Variants in LCORL observed in about 807,000 individuals in gnomAD.
The protein encoded by LCORL is ligand dependent nuclear receptor corepressor like, also known as ligand-dependent nuclear receptor corepressor-like protein.
Under a neutral mutation model 141.8 loss-of-function variants are expected in LCORL, and 41 were observed. That is an observed-to-expected ratio of 0.29 (90% CI 0.23 to 0.38). The LOEUF (loss-of-function observed/expected upper bound fraction) is 0.38. Among genes scored for constraint, LCORL ranks in the 10% least tolerant of loss-of-function variants. The pLI is 1.00. For missense variants in LCORL, 1,759 were observed against 2,035.0 expected (o/e 0.86, Z 2.61); for synonymous variants, 618 against 694.1 (o/e 0.89, Z 1.72).
At chr4:17,914,167 T>C (rs1025714714) in intron 4 of LCORL, among the ~76,000 whole-genome samples, 2 of 152,242 alleles carry the variant, frequency 1.3e-5, no homozygotes, top group African/African-American at 4.8e-5. Flanking sequence ...AGATATACCA[T>C]TGCTTGATGA....
At chr4:17,875,257 T>C in exon 7 of LCORL, 1 of 1,231,602 alleles carries the variant, frequency 8.1e-7, no homozygotes, top group Non-Finnish European at 1.0e-6. Flanking sequence ...CCAGGCTTCC[T>C]ACTTATTGCC....
At chr4:17,867,950 G>A (rs1427643680) in intron 7 of LCORL, among the ~76,000 whole-genome samples, 1 of 152,044 alleles carries the variant, frequency 6.6e-6, no homozygotes, top group Non-Finnish European at 1.5e-5. Flanking sequence ...GAAAATTACA[G>A]GGGAAAAACT....
At chr4:18,006,238 G>C (rs916143691) in intron 1 of LCORL, among the ~76,000 whole-genome samples, 1 of 152,116 alleles carries the variant, frequency 6.6e-6, no homozygotes, top group African/African-American at 2.4e-5. Flanking sequence ...CTTTGCTCCA[G>C]TTCCCAACAA....
intron 4 of LCORL, among the ~76,000 whole-genome samples, chr4:17,939,925 T>A (rs544158591): frequency 5.3e-4 from 80 of 149,610 alleles, no homozygotes; most frequent in African/African-American, 1.9e-3. Flanking sequence ...TGTACCTACA[T>A]ATGTATATGT....
chr4:17,924,496 C>A (rs181541761), intron 4 of LCORL, among the ~76,000 whole-genome samples: 255 of 152,242 alleles, frequency 1.7e-3, no homozygotes, highest in Admixed American at 6.2e-3. Context: ...GGTGATCAGC[C>A]AGCTACTTGG....
Position 17,877,985 on chromosome 4 carries a change from C to T in LCORL, c.1005G>A (p.Leu335=), listed in dbSNP as rs368162909. The T allele has an allele frequency of 7.2e-5, 88 of 1,230,602 alleles. No individual in the cohort carries two copies. The Middle Eastern group carries it at 1.2e-3, about 17-fold the overall frequency. 76.2% of individuals were successfully genotyped at this position (1,230,602 alleles called of 1,614,324 possible). The change falls in exon 7 of 8, where the codon CTG becomes CTA. Residue 335 remains leucine (L), a synonymous_variant. Coordinates refer to ENST00000635767, the Ensembl canonical transcript of LCORL. ...CCAGCCTATATTCACAACTACAGAA[C>T]AGACCACATAAATCATCTTCGATTA...
At chr4:17,974,233 T>C (rs1716515106) in intron 1 of LCORL, among the ~76,000 whole-genome samples, 1 of 152,094 alleles carries the variant, frequency 6.6e-6, no homozygotes, top group Admixed American at 6.6e-5. Context: ...TGATCAAAAG[T>C]GTATTAGTTG....
At chr4:17,999,003 T>C (rs62410184) in intron 1 of LCORL, among the ~76,000 whole-genome samples, 120 of 65,044 alleles carry the variant, frequency 1.8e-3, no homozygotes, top group Middle Eastern at 9.8e-3. Flanking sequence ...TATATATATA[T>C]ACACACATAT....
intron 1 of LCORL, among the ~76,000 whole-genome samples, chr4:18,009,113 A>G (rs981033646): frequency 2.6e-5 from 4 of 152,094 alleles, no homozygotes; most frequent in African/African-American, 9.7e-5. Flanking sequence ...ATGTGTATGT[A>G]TACATACACA....
At chr4:17,990,585 G>T (rs368829075) in intron 1 of LCORL, among the ~76,000 whole-genome samples, 120 of 151,360 alleles carry the variant, frequency 7.9e-4, no homozygotes, top group African/African-American at 2.7e-3. Context: ...TGCACTAAGG[G>T]TAAACTTCAT....
chr4:17,998,080 T>C (rs751684004), intron 1 of LCORL, among the ~76,000 whole-genome samples: 28 of 152,140 alleles, frequency 1.8e-4, no homozygotes, highest in Admixed American at 3.3e-4. Context: ...CTGAATACTG[T>C]AGGCAATTGT....
chr4:17,875,142 T>C (rs577194716), exon 7 of LCORL: 105 of 1,232,890 alleles, frequency 8.5e-5, no homozygotes, highest in Non-Finnish European at 1.0e-4. Flanking sequence ...CGTATTATCC[T>C]GTTCTAAAGG....
chr4:17,897,940 A>T (rs955083768), intron 5 of LCORL, among the ~76,000 whole-genome samples: 5 of 152,180 alleles, frequency 3.3e-5, no homozygotes, highest in African/African-American at 9.7e-5. Context: ...TTCGTTGCTT[A>T]TAGGCTATTT....
At chr4:18,006,727 G>A (rs1722878226) in intron 1 of LCORL, among the ~76,000 whole-genome samples, 1 of 152,058 alleles carries the variant, frequency 6.6e-6, no homozygotes, top group Non-Finnish European at 1.5e-5. Context: ...AACAGCGCAG[G>A]AAAGACCCAT....
chr4:17,896,158 T>C (rs888191443), intron 5 of LCORL, among the ~76,000 whole-genome samples: 2 of 152,144 alleles, frequency 1.3e-5, no homozygotes, highest in South Asian at 2.1e-4. Context: ...TTACCAGCAA[T>C]GTATCAGGGG....
At position 17,884,712 on chromosome 4, in the gene LCORL, C is replaced by A. The variant is rs373453284; in HGVS notation, c.776+1356G>T. On this transcript the variant is annotated intron_variant, in intron 6 of 7. Coordinates refer to ENST00000635767, the Ensembl canonical transcript of LCORL. This position sits in a 1 kb window ranked among gnomAD's most constrained non-coding sequence, Gnocchi z 4.4. Reference sequence around the variant, plus strand: ...GAGAGCAAACCATCTGCAAACTCAGCACTTCTTTCCACATAGTCCTCTCTG... The same window carrying A: ...GAGAGCAAACCATCTGCAAACTCAGAACTTCTTTCCACATAGTCCTCTCTG... The A allele has an allele frequency of 1.4e-4, 205 of 1,502,464 alleles. No homozygotes were observed. The highest frequency in any genetic ancestry group is 1.8e-4 in the Non-Finnish European group (198 of 1,128,206). The allele number at this position is 1,502,464 out of a possible 1,614,324, so 93.1% of individuals were successfully genotyped here. A position where few individuals can be genotyped will look rare whatever the true frequency, so the allele number is the denominator to read the frequency against.
rs993937678 is a variant in LCORL at position 18,021,649 on chromosome 4, C to G, written c.103G>C (p.Gly35Arg). The G allele has an allele frequency of 6.5e-7, 1 of 1,546,256 alleles. No homozygotes were observed. Among genetic ancestry groups the G allele is most frequent in the Non-Finnish European group, 8.7e-7 (1 of 1,145,246 alleles). ...CAAGAGTCGAGTTCCCGCCGGAATC[C>G]TCTTCTCTCCGCCGCGCACCGAGGG... The change falls in exon 1 of 8, where the codon GGA becomes CGA. Residue 35 changes from glycine to arginine, a missense_variant. Transcript: ENST00000635767. This position sits in a 1 kb window ranked among gnomAD's most constrained non-coding sequence, Gnocchi z 5.5.
At chr4:17,972,674 TG>T in intron 2 of LCORL, 145 bp downstream of exon 2, 1 of 329,732 alleles carries the variant, frequency 3.0e-6, no homozygotes, top group Non-Finnish European at 5.4e-6. Context: ...TAAAAATATC[TG>T]GATTACTTTA....
chr4:17,874,779 T>G, exon 7 of LCORL: 1 of 1,233,848 alleles, frequency 8.1e-7, no homozygotes, highest in Non-Finnish European at 1.0e-6. Flanking sequence ...AGGTACTAAT[T>G]TATTATCTTC....
Sources: gnomAD v4.1 joint callset for allele counts (sites outside exome capture counted in the v4.1 genomes callset) on GRCh38, gnomAD v4.1.1 for gene constraint, Gnocchi (gnomAD v3.1) non-coding constraint, MANE v1.5 for transcripts, NCBI Gene and HGNC (gene_info 2026-07-23, HGNC 2026-07-21) for gene names.